GABBR2: variants seen among roughly 807,000 people sequenced by gnomAD.
The protein encoded by GABBR2 is gamma-aminobutyric acid type B receptor subunit 2.
A neutral mutation model predicts 105.6 loss-of-function variants in GABBR2; 23 were observed. The observed-to-expected ratio is 0.22, with a 90% CI of 0.16 to 0.31. The LOEUF is 0.31. Ranked by LOEUF, GABBR2 falls within the 10% of genes least tolerant of loss-of-function variation. The pLI is 1.00. For synonymous variants in GABBR2, 478 were observed against 499.7 expected, an observed-to-expected ratio of 0.96 and a Z score of 0.58; for missense variants, 734 against 1,245.5, an observed-to-expected ratio of 0.59 and a Z score of 6.18.
At chr9:98,443,733 C>A (rs75621999) in intron 7 of GABBR2, among the ~76,000 whole-genome samples, 4 of 152,162 alleles carry the variant, frequency 2.6e-5, no homozygotes, top group African/African-American at 4.8e-5. Flanking sequence ...GAGAGAATTA[C>A]AGGCCCCACT....
In GABBR2 at chr9:98,290,269, GTTTT is replaced by G. The variant is rs71369558; in HGVS notation, c.*311_*314del. The G allele has an allele frequency of 1.3e-4, 10 of 76,898 alleles. No individual in the cohort carries two copies. Among genetic ancestry groups the G allele is most frequent in the African/African-American group, 5.0e-4 (9 of 18,102 alleles). 4.8% of individuals were successfully genotyped at this position (76,898 alleles called of 1,614,324 possible). On this transcript the variant is annotated 3_prime_UTR_variant, in exon 19 of 19. Coordinates refer to ENST00000259455, the MANE Select transcript of GABBR2 (RefSeq NM_005458.8). ...GCCTCTCTCCTTGTCTAGTTTTTTTGTTTTTTTTTTTTTTTTTTTTTTTTTGCAA... is the reference window on the plus strand; with the variant it reads ...GCCTCTCTCCTTGTCTAGTTTTTTTGTTTTTTTTTTTTTTTTTTTTTGCAA...
chr9:98,660,513 A>G (rs1019988391), intron 1 of GABBR2, among the ~76,000 whole-genome samples: 1 of 152,182 alleles, frequency 6.6e-6, no homozygotes, highest in Non-Finnish European at 1.5e-5. Flanking sequence ...GGCCAATTGT[A>G]TATATTCTTT....
At chr9:98,468,923 G>A (rs979680753) in intron 6 of GABBR2, among the ~76,000 whole-genome samples, 4 of 152,152 alleles carry the variant, frequency 2.6e-5, no homozygotes, top group Non-Finnish European at 4.4e-5. Context: ...AGAGGGGAAG[G>A]GGCGCTGAGT....
chr9:98,643,378 A>T (rs1283386616), intron 1 of GABBR2, among the ~76,000 whole-genome samples: 1 of 152,194 alleles, frequency 6.6e-6, no homozygotes, highest in African/African-American at 2.4e-5. Flanking sequence ...CATGCTCAAT[A>T]CTCACGTGCC....
chr9:98,393,471 C>A (rs1337442304), intron 9 of GABBR2, among the ~76,000 whole-genome samples: 3 of 151,094 alleles, frequency 2.0e-5, no homozygotes, highest in Non-Finnish European at 4.4e-5. Context: ...ACCCAACCAT[C>A]CATCCATCCA....
intron 4 of GABBR2, among the ~76,000 whole-genome samples, chr9:98,486,453 G>A (rs1041366832): frequency 2.6e-5 from 4 of 152,192 alleles, no homozygotes; most frequent in Admixed American, 6.5e-5. Flanking sequence ...GAGGGACCAC[G>A]CCCTCCAGCC....
At chr9:98,567,087 C>T (rs1003736211) in intron 2 of GABBR2, among the ~76,000 whole-genome samples, 5 of 152,222 alleles carry the variant, frequency 3.3e-5, no homozygotes, top group Admixed American at 6.5e-5. Flanking sequence ...GCAGCACCAG[C>T]TGTACCGTAA....
intron 7 of GABBR2, among the ~76,000 whole-genome samples, chr9:98,416,628 G>A (rs1318696873): frequency 6.6e-6 from 1 of 152,216 alleles, no homozygotes; most frequent in East Asian, 1.9e-4. Context: ...CCTTTGAGGG[G>A]CCATCAGACA....
chr9:98,366,259 G>A (rs1011021033), intron 12 of GABBR2, among the ~76,000 whole-genome samples: 1 of 152,098 alleles, frequency 6.6e-6, no homozygotes, highest in Admixed American at 6.6e-5. Context: ...GTTTAGAGCA[G>A]GGATTAGCAA....
chr9:98,605,811 G>A (rs1043250575), intron 1 of GABBR2, among the ~76,000 whole-genome samples: 4 of 152,074 alleles, frequency 2.6e-5, no homozygotes, highest in African/African-American at 9.6e-5. Context: ...AAATTCTAGG[G>A]TACATGTGCA....
At chr9:98,362,892 A>T in intron 12 of GABBR2, 55 bp from the exon 13 acceptor site, 3 of 1,429,850 alleles carry the variant, frequency 2.1e-6, no homozygotes, top group Non-Finnish European at 2.8e-6. Context: ...CTTCCCACGC[A>T]GCAACTGGGG....
At chr9:98,482,769 T>C (rs1030719011) in intron 4 of GABBR2, among the ~76,000 whole-genome samples, 4 of 152,162 alleles carry the variant, frequency 2.6e-5, no homozygotes, top group African/African-American at 9.7e-5. Flanking sequence ...CCTATCTACC[T>C]TGCCCAGTGG....
intron 3 of GABBR2, among the ~76,000 whole-genome samples, chr9:98,506,204 C>T (rs985963883): frequency 6.6e-6 from 1 of 152,158 alleles, no homozygotes; most frequent in Non-Finnish European, 1.5e-5. Context: ...CAGTGGAGGG[C>T]TCAGGAGTCT....
intron 1 of GABBR2, among the ~76,000 whole-genome samples, chr9:98,688,941 G>T (rs1437992042): frequency 6.6e-6 from 1 of 152,170 alleles, no homozygotes; most frequent in East Asian, 1.9e-4. Flanking sequence ...AGATATTGAT[G>T]TTGCCCAACT....
intron 13 of GABBR2, among the ~76,000 whole-genome samples, chr9:98,349,318 A>T (rs1466359943): frequency 1.0e-5 from 1 of 98,254 alleles, no homozygotes; most frequent in Non-Finnish European, 2.1e-5. Flanking sequence ...GTGTTGTTGG[A>T]TTTGGTTTGC....
rs761874926 is a variant in GABBR2 at position 98,454,263 on chromosome 9, G to T, written c.1000-46C>A. 3 of 1,335,284 alleles carry T rather than the reference G, an allele frequency of 2.2e-6. No individual in the cohort carries two copies. The highest frequency in any genetic ancestry group is 2.2e-6 in the Non-Finnish European group (2 of 926,038). 82.7% of individuals were successfully genotyped at this position (1,335,284 alleles called of 1,614,324 possible). ...GGGAATCCCAAGTTATACTCGGCAG[G>T]GACATCAGGTGCCTGATGCCGAGAA... On this transcript the variant is annotated intron_variant, in intron 6 of 18. Coordinates refer to ENST00000259455, the MANE Select transcript of GABBR2 (RefSeq NM_005458.8). The surrounding 1 kb of genome is among the most constrained non-coding windows in gnomAD (Gnocchi z 4.6).
In GABBR2 at chr9:98,340,502, C is replaced by T. The variant is rs529298245; in HGVS notation, c.1893+22213G>A. ...CTTGAACTCCTAGGCTCAAGTGATCCTCTTGCCTTGGCTTCCCAAAGTGTT... is the reference window on the plus strand; with the variant it reads ...CTTGAACTCCTAGGCTCAAGTGATCTTCTTGCCTTGGCTTCCCAAAGTGTT... On this transcript the variant is annotated intron_variant, in intron 13 of 18. Coordinates refer to ENST00000259455, the MANE Select transcript of GABBR2 (RefSeq NM_005458.8). Among the ~76,000 whole-genome samples the T allele has an allele frequency of 2.0e-5, 3 of 152,074 alleles. No individual in the cohort carries two copies. In the South Asian group the frequency reaches 6.2e-4, roughly 32 times the overall value.
intron 11 of GABBR2, among the ~76,000 whole-genome samples, chr9:98,384,944 C>T (rs185119664): frequency 2.0e-5 from 3 of 152,012 alleles, no homozygotes; most frequent in Admixed American, 1.3e-4. Context: ...AGGAAAAAAC[C>T]GTTGAAGAAA....
At chr9:98,488,324 A>C (rs1308456101) in intron 4 of GABBR2, among the ~76,000 whole-genome samples, 1 of 152,182 alleles carries the variant, frequency 6.6e-6, no homozygotes. Context: ...CTGGGGTTCT[A>C]GGACACTCAG....
Sources: gnomAD v4.1 joint callset for allele counts (sites outside exome capture counted in the v4.1 genomes callset) on GRCh38, gnomAD v4.1.1 for gene constraint, Gnocchi (gnomAD v3.1) non-coding constraint, MANE v1.5 for transcripts, NCBI Gene and HGNC (gene_info 2026-07-23, HGNC 2026-07-21) for gene names.